KCNH5: variants seen among roughly 807,000 people sequenced by gnomAD.
KCNH5 encodes the protein potassium voltage-gated channel subfamily H member 5.
KCNH5 carries 46 observed loss-of-function variants against 96.1 expected under a neutral mutation model. The ratio of observed to expected loss-of-function variants is 0.48; its 90% CI spans 0.38 to 0.61. The LOEUF (loss-of-function observed/expected upper bound fraction) is 0.61, where lower values mean the gene tolerates loss of function less well. KCNH5 is among the 20% of genes least tolerant of loss of function. The pLI is 0.00. For synonymous variants in KCNH5, 439 were observed against 449.8 expected (o/e 0.98, Z 0.30); for missense variants, 907 against 1,225.8 (o/e 0.74, Z 3.88).
At chr14:63,019,935 A>G (rs1891393817) in intron 1 of KCNH5, among the ~76,000 whole-genome samples, 2 of 152,156 alleles carry the variant, frequency 1.3e-5, no homozygotes, top group African/African-American at 2.4e-5. Context: ...CAGGTATCTG[A>G]GAAAGAACTC....
At chr14:62,921,405 T>C (rs942908035) in intron 7 of KCNH5, among the ~76,000 whole-genome samples, 1 of 152,116 alleles carries the variant, frequency 6.6e-6, no homozygotes, top group African/African-American at 2.4e-5. Context: ...AAACCTTAAC[T>C]GAATGCATAA....
chr14:62,980,790 G>A, intron 6 of KCNH5, 82 bp downstream of exon 6: 1 of 1,431,702 alleles, frequency 7.0e-7, no homozygotes, highest in South Asian at 1.3e-5. Flanking sequence ...AAGAGGTTTG[G>A]ATTATCTGTG....
intron 7 of KCNH5, among the ~76,000 whole-genome samples, chr14:62,863,702 T>C (rs1460394872): frequency 6.6e-6 from 1 of 152,104 alleles, no homozygotes; most frequent in Non-Finnish European, 1.5e-5. Flanking sequence ...TTATATGCTA[T>C]ATAAGAAAAA....
In KCNH5 at chr14:62,704,046, G is replaced by A. The variant is rs1248068049; in HGVS notation, c.*3462C>T. 1 of 151,638 alleles carries A rather than the reference G, an allele frequency of 6.6e-6. No individual in the cohort carries two copies. Among genetic ancestry groups the A allele is most frequent in the Non-Finnish European group, 1.5e-5 (1 of 67,734 alleles). 9.4% of individuals were successfully genotyped at this position (151,638 alleles called of 1,614,324 possible). On this transcript the variant is annotated 3_prime_UTR_variant, in exon 11 of 11. Transcript: ENST00000322893. ...TGAACAAAATCTCCTTAAACAGAAGGGAAAATGTGATTTTCATTTGGGCTC... is the reference window on the plus strand; with the variant it reads ...TGAACAAAATCTCCTTAAACAGAAGAGAAAATGTGATTTTCATTTGGGCTC...
chr14:62,865,983 A>T (rs1406777985), intron 7 of KCNH5, among the ~76,000 whole-genome samples: 1 of 152,238 alleles, frequency 6.6e-6, no homozygotes, highest in Non-Finnish European at 1.5e-5. Context: ...CTTGACAATC[A>T]TCATCGTCAT....
At position 62,831,289 on chromosome 14, in the gene KCNH5, T is replaced by C. The variant is rs759101963; in HGVS notation, c.1569+18364A>G. Reference sequence around the variant, plus strand: ...ATTTCCCAAGGGTCAGTTTAATGTATCAAATTTGCAGTATTTTCTGTTTTC... The same window carrying C: ...ATTTCCCAAGGGTCAGTTTAATGTACCAAATTTGCAGTATTTTCTGTTTTC... On this transcript the variant is annotated intron_variant, in intron 8 of 10. Coordinates refer to ENST00000322893, the MANE Select transcript of KCNH5 (RefSeq NM_139318.5). 3.9e-5 allele frequency among the ~76,000 whole-genome samples: 6 copies of C among 152,192 alleles called. No homozygotes were observed. The South Asian group carries it at 8.3e-4, about 21-fold the overall frequency.
intron 10 of KCNH5, among the ~76,000 whole-genome samples, chr14:62,766,879 C>T (rs1421511308): frequency 3.3e-5 from 5 of 152,014 alleles, no homozygotes; most frequent in Non-Finnish European, 7.4e-5. Flanking sequence ...GGGATGGATA[C>T]CCCATTCTCC....
In KCNH5 at chr14:62,802,557, T is replaced by C. The variant is rs371585820; in HGVS notation, c.1594A>G (p.Met532Val). The C allele has an allele frequency of 3.7e-6, 6 of 1,614,080 alleles. No homozygotes were observed. The highest frequency in any genetic ancestry group is 1.1e-5 in the South Asian group (1 of 91,080). The change falls in exon 9 of 11, where the codon ATG becomes GTG. Residue 532 changes from methionine (M) to valine (V), a missense_variant. Met to Val is a conservative substitution (Grantham distance 21). This residue lies in a region of KCNH5 where 95 missense variants were observed against 111.8 expected (regional missense o/e 0.85). Transcript: ENST00000322893. Reference sequence around the variant, plus strand: ...AGATGAACACAGATATCAGCTCTCATGTCCTTGGGACAGATGGAGAGGACC... The same window carrying C: ...AGATGAACACAGATATCAGCTCTCACGTCCTTGGGACAGATGGAGAGGACC... ...EKVLSICPKD[M>V]RADICVHLNR...
chr14:62,736,848 G>A (rs561789943), intron 10 of KCNH5, among the ~76,000 whole-genome samples: 8 of 152,192 alleles, frequency 5.3e-5, no homozygotes, highest in East Asian at 1.9e-4. Flanking sequence ...TAACTCTTAC[G>A]CTTACAGTGA....
At chr14:62,779,307 C>T (rs562893146) in intron 10 of KCNH5, among the ~76,000 whole-genome samples, 16 of 152,156 alleles carry the variant, frequency 1.1e-4, no homozygotes, top group Non-Finnish European at 1.8e-4. Flanking sequence ...GAATTGATTA[C>T]GAAATGAGAA....
chr14:62,988,638 T>A (rs1180398713), intron 4 of KCNH5, among the ~76,000 whole-genome samples: 1 of 152,002 alleles, frequency 6.6e-6, no homozygotes, highest in African/African-American at 2.4e-5. Flanking sequence ...AAAAAAAAAG[T>A]TAGGTTTTGG....
At chr14:62,880,508 A>G (rs564665486) in intron 7 of KCNH5, among the ~76,000 whole-genome samples, 1 of 152,334 alleles carries the variant, frequency 6.6e-6, no homozygotes, top group East Asian at 1.9e-4. Context: ...CATTGAGCAC[A>G]CTGGATATTG....
intron 8 of KCNH5, among the ~76,000 whole-genome samples, chr14:62,841,443 A>G (rs147019495): frequency 2.0e-5 from 3 of 152,328 alleles, no homozygotes; most frequent in African/African-American, 7.2e-5. Context: ...ACCTACTCAT[A>G]CTATAACACT....
intron 10 of KCNH5, among the ~76,000 whole-genome samples, chr14:62,730,315 TA>T (rs1235326395): frequency 1.3e-5 from 2 of 152,186 alleles, no homozygotes; most frequent in African/African-American, 4.8e-5. Context: ...CTTATTTTAC[TA>T]AAGCCAAAAT....
At chr14:62,734,577 T>G (rs573475768) in intron 10 of KCNH5, among the ~76,000 whole-genome samples, 5 of 152,138 alleles carry the variant, frequency 3.3e-5, no homozygotes, top group Admixed American at 6.6e-5. Context: ...TTGCCCCTAT[T>G]TACCCAATCC....
At chr14:62,931,738 A>G (rs529773130) in intron 7 of KCNH5, among the ~76,000 whole-genome samples, 8 of 152,292 alleles carry the variant, frequency 5.3e-5, no homozygotes, top group African/African-American at 1.9e-4. Flanking sequence ...GGATTTATTG[A>G]AAGTCTGTTT....
chr14:62,748,915 G>A (rs544779736), intron 10 of KCNH5, among the ~76,000 whole-genome samples: 1 of 152,080 alleles, frequency 6.6e-6, no homozygotes, highest in South Asian at 2.1e-4. Flanking sequence ...AAACAGAAAG[G>A]CTTTCCAAGA....
chr14:62,852,594 CT>C (rs35441090), intron 7 of KCNH5, among the ~76,000 whole-genome samples: 83,566 of 147,684 alleles, frequency 0.57, 24,859 homozygotes, highest in African/African-American at 0.77. Flanking sequence ...AACTAGAGAG[CT>C]TTTTTTTTTT....
chr14:62,830,797 A>C (rs1887330751), intron 8 of KCNH5, among the ~76,000 whole-genome samples: 1 of 152,004 alleles, frequency 6.6e-6, no homozygotes, highest in Non-Finnish European at 1.5e-5. Context: ...GATGCAAGGG[A>C]AGATATTTTT....
Sources: allele counts gnomAD v4.1 joint callset (sites outside exome capture counted in the v4.1 genomes callset), GRCh38; gene constraint gnomAD v4.1.1; regional missense constraint gnomAD v4.1.1; transcripts MANE v1.5; gene names NCBI Gene and HGNC (gene_info 2026-07-23, HGNC 2026-07-21).